The following NIBAN1 variants were observed in gnomAD, a reference collection of about 807,000 sequenced individuals.
NIBAN1 encodes the protein protein Niban 1.
In NIBAN1, 81 loss-of-function variants were observed where a neutral mutation model predicts 75.1. The observed-to-expected ratio is 1.08, with a 90% confidence interval of 0.90 to 1.30. The LOEUF (loss-of-function observed/expected upper bound fraction) is 1.30, where lower values mean the gene tolerates loss of function less well. Among genes scored for constraint, NIBAN1 ranks in the 50% most tolerant of loss-of-function variants. The probability of loss-of-function intolerance (pLI) is 0.00; values close to 1 mark genes in which losing one functional copy is unlikely to be tolerated. For synonymous variants in NIBAN1, 436 were observed against 424.8 expected, an observed-to-expected ratio of 1.03 and a Z score of -0.32; for missense variants, 1,133 against 1,128.1, an observed-to-expected ratio of 1.00 and a Z score of -0.06.
chr1:184,956,384 C>T (rs1340949678), intron 1 of NIBAN1, among the ~76,000 whole-genome samples: 3 of 152,140 alleles, frequency 2.0e-5, no homozygotes, highest in African/African-American at 4.8e-5. Flanking sequence ...CATCCAAACA[C>T]TGAATGGAGG....
rs751881059 is a variant in NIBAN1, at chr1:184,795,359, C to T, written c.2405G>A (p.Gly802Glu). 1 of 1,609,106 alleles carries T rather than the reference C, an allele frequency of 6.2e-7. No homozygotes were observed. The part of the protein sequence containing the change: ...GSPASPPASG[G>E]LTEEPLGPME... ...GGGCCCCAGGGGCTCCTCGGTGAGC[C>T]CTCCACTGGCTGGCGGAGAGGCTGG... Residue 802 changes from glycine (G) to glutamate (E), a missense_variant, in exon 14 of 14, where the codon GGG becomes GAG. Transcript: ENST00000367511.
chr1:184,954,048 T>C (rs767171441), intron 1 of NIBAN1, among the ~76,000 whole-genome samples: 1 of 152,248 alleles, frequency 6.6e-6, no homozygotes. Flanking sequence ...TGGTACTACA[T>C]TGTTTAAGAT....
intron 6 of NIBAN1, among the ~76,000 whole-genome samples, chr1:184,824,578 G>A (rs1654794033): frequency 6.6e-6 from 1 of 152,228 alleles, no homozygotes; most frequent in South Asian, 2.1e-4. Context: ...TGCAGAAAAT[G>A]GAGATGCCAG....
chr1:184,942,979 C>T (rs571174199), intron 1 of NIBAN1, among the ~76,000 whole-genome samples: 2 of 152,268 alleles, frequency 1.3e-5, no homozygotes, highest in Admixed American at 6.5e-5. Flanking sequence ...ACATCAGTGG[C>T]GGAATGAGAG....
chr1:184,886,966 C>A (rs978044394), intron 4 of NIBAN1, among the ~76,000 whole-genome samples: 2 of 152,008 alleles, frequency 1.3e-5, no homozygotes, highest in Non-Finnish European at 2.9e-5. Flanking sequence ...ACTAAAAATA[C>A]AAAAATTAGC....
At chr1:184,868,147 C>CT in intron 5 of NIBAN1, 1 of 658,480 alleles carries the variant, frequency 1.5e-6, no homozygotes. Flanking sequence ...CAACTTCCTT[C>CT]TTTTTTACCT....
At chr1:184,817,485 G>T (rs370582661) in intron 9 of NIBAN1, among the ~76,000 whole-genome samples, 1 of 151,500 alleles carries the variant, frequency 6.6e-6, no homozygotes, top group Admixed American at 6.6e-5. Flanking sequence ...TTACACTCCC[G>T]CCGACAGTGT....
At chr1:184,823,881 T>G (rs1482007814) in intron 6 of NIBAN1, 139 bp from the exon 7 acceptor site, 31 of 615,050 alleles carry the variant, frequency 5.0e-5, no homozygotes, top group Non-Finnish European at 8.1e-5. Flanking sequence ...TTTAACCTAC[T>G]ACAGAGGCCA....
intron 10 of NIBAN1, 164 bp downstream of exon 10, chr1:184,807,910 G>C (rs1447473831): frequency 1.3e-5 from 9 of 715,218 alleles, no homozygotes; most frequent in Non-Finnish European, 2.2e-5. Flanking sequence ...ATGGATGGAA[G>C]ATGAAGCCAG....
intron 12 of NIBAN1, among the ~76,000 whole-genome samples, chr1:184,798,647 A>G (rs1653943972): frequency 6.6e-6 from 1 of 152,140 alleles, no homozygotes; most frequent in Non-Finnish European, 1.5e-5. Context: ...TAAGTTATAT[A>G]TAGTAAAATG....
chr1:184,915,140 G>C (rs1657351914), intron 1 of NIBAN1, among the ~76,000 whole-genome samples: 1 of 152,152 alleles, frequency 6.6e-6, no homozygotes, highest in African/African-American at 2.4e-5. Context: ...CAATCTCAGT[G>C]TTTCCTTTGT....
At chr1:184,819,706 G>T (rs1475672592) in intron 8 of NIBAN1, among the ~76,000 whole-genome samples, 1 of 152,208 alleles carries the variant, frequency 6.6e-6, no homozygotes, top group African/African-American at 2.4e-5. Flanking sequence ...GCAGGTCACA[G>T]AGCCTTGTCA....
At chr1:184,865,974 C>T (rs1294272537) in intron 5 of NIBAN1, among the ~76,000 whole-genome samples, 5 of 152,092 alleles carry the variant, frequency 3.3e-5, no homozygotes, top group East Asian at 3.9e-4. Context: ...CTAAACAATC[C>T]GGAATGCTTT....
chr1:184,896,054 T>A (rs1656791529), intron 2 of NIBAN1, among the ~76,000 whole-genome samples: 1 of 152,188 alleles, frequency 6.6e-6, no homozygotes, highest in Non-Finnish European at 1.5e-5. Context: ...TATAATGATT[T>A]ATTTTCCTTT....
At position 184,899,201 on chromosome 1, in the gene NIBAN1, G is replaced by A. The variant is rs763675642; in HGVS notation, c.164C>T (p.Thr55Met). The change falls in exon 2 of 14, where the codon ACG becomes ATG. Residue 55 changes from threonine to methionine, a missense_variant. Transcript: ENST00000367511. ...RTEVEQQRDLTSQFLKTKPPL... is the reference protein window; with the variant it reads ...RTEVEQQRDLMSQFLKTKPPL... ...TACCTTGGTCTTCAAAAACTGTGAC[G>A]TTAAATCTCTTTGCTGTTCTACTTC... 7.4e-6 allele frequency: 12 copies of A among 1,613,772 alleles called. No homozygotes were observed. The highest frequency in any genetic ancestry group is 1.1e-5 in the South Asian group (1 of 91,080).
chr1:184,882,645 TA>T lies in NIBAN1; in HGVS notation c.601+1987del, dbSNP rs1173379373. Among the ~76,000 whole-genome samples, 4 of 152,320 alleles carry T rather than the reference TA, an allele frequency of 2.6e-5. No homozygotes were observed. The East Asian group carries it at 7.7e-4, about 29-fold the overall frequency. On this transcript the variant is annotated intron_variant, in intron 5 of 13. Transcript: ENST00000367511. ...GCTGAAATCTTCCATAAATGGAGTC[TA>T]AATGCAGGCTACATAACATCCAAAA...
In NIBAN1 at chr1:184,890,045, C is replaced by A. The variant is rs903019514; in HGVS notation, c.433+63G>T. 4.0e-6 allele frequency: 5 copies of A among 1,255,170 alleles called. No homozygotes were observed. The South Asian group carries it at 6.0e-5, about 15-fold the overall frequency. The allele number at this position is 1,255,170 out of a possible 1,614,324, so 77.8% of individuals were successfully genotyped here. A position where few individuals can be genotyped will look rare whatever the true frequency, so the allele number is the denominator to read the frequency against. On this transcript the variant is annotated intron_variant, in intron 4 of 13. Transcript: ENST00000367511. ...AATCCCTCTCCTTCACAGAGAAACA[C>A]TGCTCCAGCTAAACAAAGAAGCTTA...
chr1:184,828,068 A>G (rs1395012336), intron 6 of NIBAN1, among the ~76,000 whole-genome samples: 1 of 151,460 alleles, frequency 6.6e-6, no homozygotes, highest in East Asian at 1.9e-4. Flanking sequence ...ACATAGCTAG[A>G]GATACTTTAC....
At chr1:184,798,034 T>C (rs1385652001) in intron 13 of NIBAN1, 45 bp downstream of exon 13, 1 of 1,310,368 alleles carries the variant, frequency 7.6e-7, no homozygotes, top group Admixed American at 1.8e-5. Flanking sequence ...TCAGGGATGC[T>C]CCCCTCTATG....
Sources: gnomAD v4.1 joint callset for allele counts (sites outside exome capture counted in the v4.1 genomes callset) on GRCh38, gnomAD v4.1.1 for gene constraint, MANE v1.5 for transcripts, NCBI Gene and HGNC (gene_info 2026-07-23, HGNC 2026-07-21) for gene names.